The following GSN variants were observed in gnomAD, a reference collection of about 807,000 sequenced individuals.
GSN encodes gelsolin.
GSN carries 56 observed loss-of-function variants against 85.7 expected under a neutral mutation model. The ratio of observed to expected loss-of-function variants is 0.65; its 90% CI spans 0.53 to 0.82. The LOEUF is 0.82. Ranked by LOEUF, GSN falls within the 40% of genes least tolerant of loss-of-function variation. The pLI is 0.00. For synonymous variants in GSN, 373 were observed against 399.1 expected (o/e 0.93, Z 0.78); for missense variants, 857 against 979.8 (o/e 0.87, Z 1.67).
At chr9:121,271,891 C>G (rs957803822) in intron 1 of GSN, among the ~76,000 whole-genome samples, 16 of 152,334 alleles carry the variant, frequency 1.1e-4, no homozygotes, top group South Asian at 2.1e-4. Flanking sequence ...ACTGGTCCCC[C>G]CTTTTCATCA....
intron 1 of GSN, among the ~76,000 whole-genome samples, chr9:121,269,230 C>T (rs1174450824): frequency 2.0e-5 from 3 of 152,164 alleles, no homozygotes; most frequent in Admixed American, 2.0e-4. Flanking sequence ...GTCCTGTTCT[C>T]CCAGGACCAC....
At chr9:121,306,998 T>C (rs2060486803) in intron 4 of GSN, among the ~76,000 whole-genome samples, 1 of 152,156 alleles carries the variant, frequency 6.6e-6, no homozygotes, top group Non-Finnish European at 1.5e-5. Context: ...CTGGCCAACA[T>C]GGTGAAACCC....
chr9:121,321,265 C>T lies in GSN; in HGVS notation c.1192-3C>T. ...GCATCTGACTCCAGCTTTGCTCCTGCAGATCTGGAGAATCGAAGGTTCCAA... is the reference window on the plus strand; with the variant it reads ...GCATCTGACTCCAGCTTTGCTCCTGTAGATCTGGAGAATCGAAGGTTCCAA... On this transcript the variant is annotated splice_polypyrimidine_tract_variant and splice_region_variant and intron_variant, in intron 10 of 17. Transcript: ENST00000432226. 6.2e-7 allele frequency: 1 copy of T among 1,614,010 alleles called. No homozygotes were observed. The highest frequency in any genetic ancestry group is 8.5e-7 in the Non-Finnish European group (1 of 1,179,978).
intron 4 of GSN, chr9:121,222,860 TGA>T (rs1400757850): frequency 4.6e-5 from 7 of 151,572 alleles, no homozygotes; most frequent in Non-Finnish European, 1.0e-4. Flanking sequence ...GTGGGTAACG[TGA>T]GAGAGTCCAG....
chr9:121,216,083 A>G (rs1469887534), intron 4 of GSN, among the ~76,000 whole-genome samples: 1 of 151,980 alleles, frequency 6.6e-6, no homozygotes, highest in Non-Finnish European at 1.5e-5. Context: ...TAAGCCTCCC[A>G]AGTAGCTGGG....
upstream of GSN, chr9:121,203,343 C>G (rs2053832868): frequency 1.3e-5 from 2 of 151,854 alleles, no homozygotes; most frequent in South Asian, 2.1e-4. Context: ...GGAGATGGAG[C>G]AGGTCAAAAC....
chr9:121,286,699 C>T lies in GSN; in HGVS notation c.-10+5137C>T, dbSNP rs780837932. On this transcript the variant is annotated intron_variant, in intron 2 of 17. Coordinates refer to ENST00000432226, the MANE Select transcript of GSN (RefSeq NM_198252.3). ...AAGGAGACAATTTGTGATTGAACAG[C>T]CACTGTGGCCATCATTCTCCTTACC... is the stretch of plus-strand genomic sequence containing the variant. 75 of 1,535,098 alleles carry T rather than the reference C, an allele frequency of 4.9e-5. 1 individual carries two copies. In the East Asian group the frequency reaches 1.8e-3, roughly 37 times the overall value.
chr9:121,270,880 A>G (rs1048883982), intron 1 of GSN, among the ~76,000 whole-genome samples: 52 of 152,186 alleles, frequency 3.4e-4, no homozygotes, highest in African/African-American at 1.1e-3. Flanking sequence ...AAACTTTTAC[A>G]TCCTGTGTCT....
intron 2 of GSN, among the ~76,000 whole-genome samples, chr9:121,289,851 C>G (rs946595311): frequency 1.3e-5 from 2 of 152,064 alleles, no homozygotes; most frequent in Non-Finnish European, 2.9e-5. Context: ...CACAGAGGAC[C>G]GAACTCAGGA....
At chr9:121,246,264 GT>G (rs897349891) in intron 5 of GSN, among the ~76,000 whole-genome samples, 36 of 149,632 alleles carry the variant, frequency 2.4e-4, no homozygotes, top group African/African-American at 7.9e-4. Flanking sequence ...TAATAAAAAA[GT>G]TTTTTTTTTA....
upstream of GSN, among the ~76,000 whole-genome samples, chr9:121,207,301 C>T (rs1049977912): frequency 5.3e-5 from 8 of 152,178 alleles, no homozygotes; most frequent in Non-Finnish European, 1.0e-4. Flanking sequence ...GCACAGCAAG[C>T]AGCATGAGCA....
chr9:121,316,525 T>C (rs1469217880), intron 7 of GSN, among the ~76,000 whole-genome samples: 2 of 152,112 alleles, frequency 1.3e-5, no homozygotes, highest in East Asian at 3.9e-4. Flanking sequence ...GGCTGGAGTG[T>C]AGTGACGCAA....
intron 4 of GSN, among the ~76,000 whole-genome samples, chr9:121,214,762 T>A (rs2054029226): frequency 6.6e-6 from 1 of 152,176 alleles, no homozygotes; most frequent in South Asian, 2.1e-4. Flanking sequence ...TAAGTTCTTA[T>A]CTTTTCTCTT....
chr9:121,328,966 C>G lies in GSN; in HGVS notation c.1838C>G (p.Ala613Gly). The G allele has an allele frequency of 6.2e-7, 1 of 1,613,926 alleles. No homozygotes were observed. The highest frequency in any genetic ancestry group is 8.5e-7 in the Non-Finnish European group (1 of 1,179,974). ...SPRLKDKKMD[A>G]HPPRLFACSN... ...CGGCTGAAGGACAAGAAGATGGATG[C>G]CCATCCTCCTCGCCTCTTTGCCTGC... Residue 613 changes from alanine (A) to glycine (G), a missense_variant, in exon 15 of 18, where the codon GCC becomes GGC. Coordinates refer to ENST00000432226, the MANE Select transcript of GSN (RefSeq NM_198252.3).
upstream of GSN, chr9:121,265,604 C>A (rs1413279956): frequency 6.6e-6 from 1 of 152,318 alleles, no homozygotes; most frequent in Admixed American, 6.5e-5. Context: ...GAGGAGAGAG[C>A]AGGTACCCCC....
chr9:121,270,065 G>A (rs1316063013), intron 1 of GSN, among the ~76,000 whole-genome samples: 2 of 152,334 alleles, frequency 1.3e-5, no homozygotes, highest in East Asian at 1.9e-4. Context: ...AGGTGAGCCA[G>A]ACCTCAGAAT....
chr9:121,270,070 CAG>C (rs1292503938), intron 1 of GSN, among the ~76,000 whole-genome samples: 2 of 152,134 alleles, frequency 1.3e-5, no homozygotes. Flanking sequence ...AGCCAGACCT[CAG>C]AATGAATAAT....
At chr9:121,247,455 T>C (rs1181676140) in intron 5 of GSN, among the ~76,000 whole-genome samples, 2 of 152,206 alleles carry the variant, frequency 1.3e-5, no homozygotes, top group African/African-American at 2.4e-5. Context: ...TCTAGTGACA[T>C]AGTATTGAGA....
At chr9:121,327,531 G>A (rs1251447387) in intron 14 of GSN, 49 bp downstream of exon 14, 4 of 1,461,504 alleles carry the variant, frequency 2.7e-6, no homozygotes, top group Middle Eastern at 2.4e-4. Flanking sequence ...CAGCTATTAA[G>A]TTTCCCCCTT....
Sources: allele counts gnomAD v4.1 joint callset (sites outside exome capture counted in the v4.1 genomes callset), GRCh38; gene constraint gnomAD v4.1.1; transcripts MANE v1.5; gene names NCBI Gene and HGNC (gene_info 2026-07-23, HGNC 2026-07-21).